SEMA3F: variants seen among roughly 807,000 people sequenced by gnomAD.
The protein encoded by SEMA3F is semaphorin 3F.
Under a neutral mutation model 98.5 loss-of-function variants are expected in SEMA3F, and 30 were observed. That is an observed-to-expected ratio of 0.30 (90% CI 0.23 to 0.41). The LOEUF (loss-of-function observed/expected upper bound fraction) is 0.41. Ranked by LOEUF, SEMA3F falls within the 10% of genes least tolerant of loss-of-function variation. SEMA3F has a pLI of 1.00. For synonymous variants in SEMA3F, 380 were observed against 444.8 expected, an observed-to-expected ratio of 0.85 and a Z score of 1.83; for missense variants, 866 against 1,119.3, an observed-to-expected ratio of 0.77 and a Z score of 3.23.
intron 2 of SEMA3F, 100 bp downstream of exon 2, chr3:50,159,834 G>T: frequency 1.2e-6 from 1 of 800,464 alleles, no homozygotes; most frequent in South Asian, 1.5e-5. Flanking sequence ...GACAAAACCA[G>T]GACAAATTGT....
intron 6 of SEMA3F, among the ~76,000 whole-genome samples, chr3:50,175,419 G>A (rs991363000): frequency 1.3e-5 from 2 of 152,234 alleles, no homozygotes; most frequent in Non-Finnish European, 2.9e-5. Context: ...GCCGCCAGGT[G>A]GGGAAGACAG....
Position 50,186,990 on chromosome 3 carries a change from G to A in SEMA3F, c.1947+244G>A, listed in dbSNP as rs12637645. 1.6e-3 allele frequency among the ~76,000 whole-genome samples: 251 copies of A among 152,252 alleles called. 3 individuals are homozygous for A. In the East Asian group the frequency reaches 0.017, roughly 11 times the overall value. On this transcript the variant is annotated intron_variant, in intron 18 of 18. Coordinates refer to ENST00000002829, the MANE Select transcript of SEMA3F (RefSeq NM_004186.5). ...AATTCCATATGCATACCACATTGGG[G>A]GTGTACCTTCTACAAAAACATCATG... is the stretch of plus-strand genomic sequence containing the variant.
chr3:50,175,525 C>T (rs73080990), intron 6 of SEMA3F, among the ~76,000 whole-genome samples: 6,114 of 152,354 alleles, frequency 0.04, 156 homozygotes, highest in Non-Finnish European at 0.059. Context: ...CCTCACTCAG[C>T]ACCCAGAGTG....
At position 50,182,474 on chromosome 3, in the gene SEMA3F, CAT is replaced by C. The variant is rs1699050310; in HGVS notation, c.763+72_763+73del. On this transcript the variant is annotated intron_variant, in intron 8 of 18. Coordinates refer to ENST00000002829, the MANE Select transcript of SEMA3F (RefSeq NM_004186.5). The surrounding 1 kb of genome is among the most constrained non-coding windows in gnomAD (Gnocchi z 4.5). ...GCGGCAAGGAGGTCGTAAAGAAGCA[CAT>C]GTGGGGGAAGTGGGGACATGTTTAG... The C allele has an allele frequency of 5.0e-6, 8 of 1,602,528 alleles. No homozygotes were observed. The African/African-American group carries it at 8.0e-5, about 16-fold the overall frequency.
chr3:50,162,468 G>A (rs1698243674), intron 2 of SEMA3F, among the ~76,000 whole-genome samples: 2 of 152,344 alleles, frequency 1.3e-5, no homozygotes, highest in South Asian at 4.1e-4. Context: ...TTCATTCCTT[G>A]CTCTTGAGAG....
At chr3:50,159,265 T>G in intron 1 of SEMA3F, 1 of 214,412 alleles carries the variant, frequency 4.7e-6, no homozygotes, top group Non-Finnish European at 9.1e-6. Flanking sequence ...TGCTGGGAGC[T>G]GGAAAGAGCC....
In SEMA3F at chr3:50,186,091, GCCC is replaced by G; in HGVS notation, c.1745+46_1745+48del. On this transcript the variant is annotated intron_variant, in intron 16 of 18. Transcript: ENST00000002829. ...TAGAATTTTAGCAACCAGTCCCAGG[GCCC>G]TATCCTAGGGGATTGGGGGTGCATG... 2.5e-6 allele frequency: 4 copies of G among 1,571,784 alleles called. No homozygotes were observed. In the South Asian group the frequency reaches 4.6e-5, roughly 18 times the overall value.
Position 50,186,625 on chromosome 3 carries a change from C to T in SEMA3F, c.1826C>T (p.Ala609Val). The change falls in exon 18 of 19, where the codon GCC becomes GTC. Residue 609 changes from alanine (A) to valine (V), a missense_variant. Physicochemically the swap from Ala to Val is moderately conservative, Grantham distance 64. Around this residue, in one of 3 missense-constraint regions of SEMA3F, gnomAD observed 245 missense variants for 260.5 expected, o/e 0.94. Transcript: ENST00000002829. ...TCTCACTCTAAAGCCAACAAGAATG[C>T]CGTGGAGTCTGTGCAGTATGGCGTG... ...RGFNSNANKN[A>V]VESVQYGVAG... The T allele has an allele frequency of 6.3e-7, 1 of 1,595,764 alleles. No individual in the cohort carries two copies. The highest frequency in any genetic ancestry group is 8.6e-7 in the Non-Finnish European group (1 of 1,165,392).
At chr3:50,168,735 C>A (rs1698498371) in intron 2 of SEMA3F, among the ~76,000 whole-genome samples, 2 of 152,182 alleles carry the variant, frequency 1.3e-5, no homozygotes, top group African/African-American at 4.8e-5. Context: ...CGGGGCCACC[C>A]CTTCCTGGAT....
intron 2 of SEMA3F, among the ~76,000 whole-genome samples, chr3:50,170,799 C>T (rs943160443): frequency 4.6e-5 from 7 of 151,946 alleles, no homozygotes; most frequent in Admixed American, 1.3e-4. Context: ...GGCTCCCCCT[C>T]CCCCCACACT....
intron 2 of SEMA3F, among the ~76,000 whole-genome samples, chr3:50,167,999 G>A (rs1698467840): frequency 6.6e-6 from 1 of 152,232 alleles, no homozygotes; most frequent in Admixed American, 6.5e-5. Flanking sequence ...AAAACACGCG[G>A]AGTCATTTAC....
rs1699210040 is a variant in SEMA3F, at chr3:50,186,303, C to T, written c.1768C>T (p.Arg590Trp). The change falls in exon 17 of 19, where the codon CGG (arginine) becomes TGG (tryptophan). Residue 590 changes from arginine to tryptophan, a missense_variant. By Grantham distance (101) the Arg-to-Trp change is moderately radical. Around this residue, in one of 3 missense-constraint regions of SEMA3F, gnomAD observed 374 missense variants for 582.8 expected, o/e 0.64. Transcript: ENST00000002829. ...SKRRSRRQDV[R>W]HGNPIRQCRG... ...CAGGCGGAGCCGCCGGCAGGACGTC[C>T]GGCACGGAAACCCCATCAGGCAGTG... 5 of 1,613,808 alleles carry T rather than the reference C, an allele frequency of 3.1e-6. No homozygotes were observed. The highest frequency in any genetic ancestry group is 4.2e-6 in the Non-Finnish European group (5 of 1,179,974).
chr3:50,174,947 T>C (rs1698751339), intron 5 of SEMA3F, 149 bp from the exon 6 acceptor site: 1 of 642,592 alleles, frequency 1.6e-6, no homozygotes, highest in African/African-American at 1.8e-5. Context: ...AGCCTGTGTG[T>C]ATGTATGTAC....
chr3:50,183,977 A>G (rs1350957262), intron 12 of SEMA3F, among the ~76,000 whole-genome samples: 1 of 152,114 alleles, frequency 6.6e-6, no homozygotes, highest in Non-Finnish European at 1.5e-5. Context: ...TCTTGATGTG[A>G]CACCGGCTGA....
chr3:50,167,107 T>G (rs1034151479), intron 2 of SEMA3F, among the ~76,000 whole-genome samples: 8 of 152,116 alleles, frequency 5.3e-5, no homozygotes, highest in African/African-American at 1.9e-4. Flanking sequence ...CAGGACCAGG[T>G]CTCTTGACCA....
intron 18 of SEMA3F, 91 bp from the exon 19 acceptor site, chr3:50,187,614 G>A (rs915916914): frequency 2.4e-5 from 27 of 1,133,018 alleles, no homozygotes; most frequent in African/African-American, 3.1e-5. Flanking sequence ...GCCTCTACAC[G>A]GAATGGCCAC....
At position 50,158,426 on chromosome 3, in the gene SEMA3F, G is replaced by A. The variant is rs1417745032; in HGVS notation, c.-48-1149G>A. ...GCCAGGGCTGGGGGAGGTGGGTCTA[G>A]GGATGTCATCAGGGTCTAATGAGTG... On this transcript the variant is annotated intron_variant, in intron 1 of 18. Transcript: ENST00000002829. The surrounding 1 kb of genome is among the most constrained non-coding windows in gnomAD (Gnocchi z 4.8). Among the ~76,000 whole-genome samples the A allele has an allele frequency of 9.9e-5, 15 of 152,214 alleles. No homozygotes were observed. Among genetic ancestry groups the A allele is most frequent in the Admixed American group, 9.8e-4 (15 of 15,294 alleles).
chr3:50,184,978 G>A (rs1699155291), intron 13 of SEMA3F, among the ~76,000 whole-genome samples, 164 bp downstream of exon 13: 1 of 152,196 alleles, frequency 6.6e-6, no homozygotes, highest in Non-Finnish European at 1.5e-5. Context: ...GGATAACAGA[G>A]GCTAGGGGTG....
At chr3:50,185,562 C>G in intron 14 of SEMA3F, 31 bp downstream of exon 14, 1 of 1,612,396 alleles carries the variant, frequency 6.2e-7, no homozygotes, top group Non-Finnish European at 8.5e-7. Flanking sequence ...TCCTGACCTC[C>G]CCACCTTTAC....
Sources: allele counts gnomAD v4.1 joint callset (sites outside exome capture counted in the v4.1 genomes callset), GRCh38; gene constraint gnomAD v4.1.1; regional missense constraint gnomAD v4.1.1; non-coding constraint Gnocchi (gnomAD v3.1); transcripts MANE v1.5; gene names NCBI Gene and HGNC (gene_info 2026-07-23, HGNC 2026-07-21).